BMAL1: variants seen among roughly 807,000 people sequenced by gnomAD.
BMAL1 encodes basic helix-loop-helix ARNT like 1.
the BMAL1 span, among the ~76,000 whole-genome samples, chr11:13,306,329 G>A: frequency 5.3e-5 from 8 of 152,130 alleles, no homozygotes; most frequent in Non-Finnish European, 8.8e-5. Context: ...AAGTCCTGAG[G>A]TCCTGGCCGT....
At chr11:13,284,160 GTGTGTATATATATATA>G in the BMAL1 span, among the ~76,000 whole-genome samples, 32 of 9,532 alleles carry the variant, frequency 3.4e-3, 1 homozygote, top group South Asian at 0.012. Flanking sequence ...ATATATATAT[GTGTGTATATATATATA>G]TGTGTATATA....
the BMAL1 span, chr11:13,372,427 A>G: frequency 6.2e-7 from 1 of 1,610,660 alleles, no homozygotes; most frequent in Non-Finnish European, 8.5e-7. Flanking sequence ...TCTACATACT[A>G]CCCTTGAGCA....
chr11:13,376,333 G>C, the BMAL1 span, among the ~76,000 whole-genome samples: 2 of 152,208 alleles, frequency 1.3e-5, no homozygotes, highest in South Asian at 4.1e-4. Flanking sequence ...TGAGGGGCCG[G>C]GGCTAGGTGC....
At chr11:13,288,049 C>T in the BMAL1 span, among the ~76,000 whole-genome samples, 5 of 152,114 alleles carry the variant, frequency 3.3e-5, no homozygotes, top group Non-Finnish European at 7.4e-5. Context: ...GGTAGGATTT[C>T]GATTCACAGA....
chr11:13,325,926 C>T, the BMAL1 span, among the ~76,000 whole-genome samples: 4 of 151,520 alleles, frequency 2.6e-5, no homozygotes, highest in East Asian at 3.9e-4. Flanking sequence ...AACAAGGGGC[C>T]GGGGGCGGTG....
At chr11:13,377,530 C>T in the BMAL1 span, among the ~76,000 whole-genome samples, 1 of 152,130 alleles carries the variant, frequency 6.6e-6, no homozygotes, top group African/African-American at 2.4e-5. Flanking sequence ...AACTCTAGTC[C>T]CCCTCTCCCC....
chr11:13,375,314 C>T, the BMAL1 span, among the ~76,000 whole-genome samples: 1 of 152,206 alleles, frequency 6.6e-6, no homozygotes, highest in Admixed American at 6.5e-5. Flanking sequence ...TTCTCATTTG[C>T]TGGTGGTCAT....
chr11:13,336,317 C>T, the BMAL1 span, among the ~76,000 whole-genome samples: 5 of 152,214 alleles, frequency 3.3e-5, no homozygotes, highest in African/African-American at 4.8e-5. Flanking sequence ...TATTTAAAAG[C>T]GTCCCCATAT....
the BMAL1 span, among the ~76,000 whole-genome samples, chr11:13,278,545 C>G: frequency 6.6e-6 from 1 of 152,216 alleles, no homozygotes; most frequent in Non-Finnish European, 1.5e-5. Flanking sequence ...CAAGTCCGCC[C>G]GCCCCTTCGG....
the BMAL1 span, among the ~76,000 whole-genome samples, chr11:13,339,244 C>T: frequency 6.6e-6 from 1 of 152,162 alleles, no homozygotes; most frequent in Non-Finnish European, 1.5e-5. Flanking sequence ...TTTTGTCACC[C>T]TGCCGTGGCC....
chr11:13,303,912 G>A, the BMAL1 span, among the ~76,000 whole-genome samples: 3 of 152,164 alleles, frequency 2.0e-5, no homozygotes, highest in South Asian at 2.1e-4. Context: ...CAGCGAGTGA[G>A]GTGAAGAAGT....
the BMAL1 span, among the ~76,000 whole-genome samples, chr11:13,289,817 A>G: frequency 6.6e-6 from 1 of 152,182 alleles, no homozygotes. Flanking sequence ...AGTCTTTGCT[A>G]TTGTGAATAG....
At chr11:13,338,484 A>C in the BMAL1 span, among the ~76,000 whole-genome samples, 1 of 152,190 alleles carries the variant, frequency 6.6e-6, no homozygotes, top group Admixed American at 6.5e-5. Context: ...CATTGAACAG[A>C]TGTGCCATTC....
the BMAL1 span, among the ~76,000 whole-genome samples, chr11:13,284,493 C>T: frequency 6.6e-6 from 1 of 151,186 alleles, no homozygotes; most frequent in Non-Finnish European, 1.5e-5. Context: ...AAGGACGTGC[C>T]CTGCCCTCAG....
At chr11:13,287,875 T>C in the BMAL1 span, among the ~76,000 whole-genome samples, 2 of 152,246 alleles carry the variant, frequency 1.3e-5, no homozygotes, top group South Asian at 2.1e-4. Context: ...TCAACAAATA[T>C]CTGTGAGTCT....
the BMAL1 span, chr11:13,372,351 T>C: frequency 2.5e-6 from 4 of 1,614,128 alleles, no homozygotes; most frequent in Non-Finnish European, 3.4e-6. Context: ...CAGGGTGAAA[T>C]CTATGGAATA....
chr11:13,381,226 C>T, the BMAL1 span: 4 of 1,614,146 alleles, frequency 2.5e-6, no homozygotes, highest in Non-Finnish European at 2.5e-6. Flanking sequence ...ACGCCTCCCC[C>T]TGATGCCTCT....
chr11:13,277,951 G>T, the BMAL1 span: 1 of 151,292 alleles, frequency 6.6e-6, no homozygotes, highest in African/African-American at 2.4e-5. Context: ...GGCGGCCAGC[G>T]ACGCGATCCC....
At chr11:13,374,823 C>T in the BMAL1 span, among the ~76,000 whole-genome samples, 1 of 152,180 alleles carries the variant, frequency 6.6e-6, no homozygotes, top group African/African-American at 2.4e-5. Flanking sequence ...GCTTAAAAAC[C>T]TCCTGCTTTA....
Sources: allele counts gnomAD v4.1 joint callset (sites outside exome capture counted in the v4.1 genomes callset), GRCh38; gene constraint gnomAD v4.1.1; transcripts MANE v1.5; gene names NCBI Gene and HGNC (gene_info 2026-07-23, HGNC 2026-07-21).